ABCC2: variants seen among roughly 807,000 people sequenced by gnomAD.
The protein encoded by ABCC2 is ATP binding cassette subfamily C member 2, also known as ATP-binding cassette sub-family C member 2.
A neutral mutation model predicts 173.4 loss-of-function variants in ABCC2; 157 were observed. That is an observed-to-expected ratio of 0.91 (90% CI 0.80 to 1.03). ABCC2 has a LOEUF of 1.03. Ranked by LOEUF, ABCC2 falls within the 50% of genes least tolerant of loss-of-function variation. ABCC2 has a pLI of 0.00. For synonymous variants in ABCC2, 657 were observed against 693.5 expected (o/e 0.95, Z 0.83); for missense variants, 1,822 against 1,852.3 (o/e 0.98, Z 0.30).
intron 22 of ABCC2, 55 bp from the exon 23 acceptor site, chr10:99,831,922 A>G (rs1489901330): frequency 6.2e-7 from 1 of 1,614,002 alleles, no homozygotes. Context: ...TGTCCTGGGC[A>G]CAAGTCTTCA....
At chr10:99,799,125 C>T (rs2037968436) in intron 7 of ABCC2, 82 bp from the exon 8 acceptor site, 3 of 1,530,814 alleles carry the variant, frequency 2.0e-6, no homozygotes, top group African/African-American at 2.7e-5. Flanking sequence ...GGCCACGGGG[C>T]TCACAGGCTG....
chr10:99,797,545 T>C, intron 7 of ABCC2: 5 of 562,304 alleles, frequency 8.9e-6, no homozygotes, highest in South Asian at 4.4e-5. Flanking sequence ...ACTTTTGAAA[T>C]TTTCCAGAAT....
chr10:99,805,582 C>T (rs537619892), intron 11 of ABCC2, 135 bp downstream of exon 11: 2 of 862,444 alleles, frequency 2.3e-6, no homozygotes, highest in Admixed American at 1.7e-5. Flanking sequence ...TGTTTCATGT[C>T]CTCCTGTCCC....
intron 25 of ABCC2, among the ~76,000 whole-genome samples, chr10:99,838,117 C>T (rs2038857259): frequency 1.2e-5 from 1 of 86,332 alleles, no homozygotes; most frequent in African/African-American, 4.3e-5. Flanking sequence ...CCCCCCCCAC[C>T]TCCCTCCCGG....
chr10:99,814,570 C>CACATGTGTATAT lies in ABCC2; in HGVS notation c.2094+1429_2094+1430insTGTGTATATACA, dbSNP rs2038339473. 3.5e-5 allele frequency among the ~76,000 whole-genome samples: 4 copies of CACATGTGTATAT among 113,124 alleles called. 1 individual carries two copies. The highest frequency in any genetic ancestry group is 6.1e-5 in the African/African-American group (2 of 32,932). The allele number at this position is 113,124 out of a possible 152,430, so 74.2% of individuals were successfully genotyped here. A position where few individuals can be genotyped will look rare whatever the true frequency, so the allele number is the denominator to read the frequency against. On this transcript the variant is annotated intron_variant, in intron 16 of 31. Coordinates refer to ENST00000647814, the MANE Select transcript of ABCC2 (RefSeq NM_000392.5). ...ACATATGTGTATATACACATATACA[C>CACATGTGTATAT]ACACATATGTGTATATACACATATA... is the stretch of plus-strand genomic sequence containing the variant.
Position 99,844,024 on chromosome 10 carries a change from C to G in ABCC2, c.3843+124C>G, listed in dbSNP as rs3740067. The stretch of plus-strand genomic sequence containing the variant: ...ATAATGGGTCCCTAAAGTTTCCTTT[C>G]CTCTAACTCAAAGGACCTAATTTCT... On this transcript the variant is annotated intron_variant, in intron 27 of 31. Transcript: ENST00000647814. 0.34 allele frequency: 312,836 copies of G among 913,174 alleles called. 55,169 individuals carry two copies. Among genetic ancestry groups the G allele is most frequent in the Non-Finnish European group, 0.37 (205,087 of 555,016 alleles). The allele number at this position is 913,174 out of a possible 1,614,324, so 56.6% of individuals were successfully genotyped here.
chr10:99,839,090 A>AGAC (rs1564698796), intron 25 of ABCC2, among the ~76,000 whole-genome samples: 5 of 57,214 alleles, frequency 8.7e-5, no homozygotes, highest in East Asian at 1.3e-3. Flanking sequence ...AGGGGGGCAG[A>AGAC]CCCCCCCCCC....
chr10:99,783,994 C>T (rs78002351), intron 1 of ABCC2, among the ~76,000 whole-genome samples: 2 of 99,352 alleles, frequency 2.0e-5, no homozygotes, highest in Non-Finnish European at 3.6e-5. Context: ...GCCCACCCCC[C>T]ACCCCCCAAC....
intron 17 of ABCC2, among the ~76,000 whole-genome samples, chr10:99,818,551 G>A (rs2038463964): frequency 6.6e-6 from 1 of 152,196 alleles, no homozygotes; most frequent in African/African-American, 2.4e-5. Flanking sequence ...AGGGTGACAA[G>A]CAACAAAACT....
rs1220159784 is a variant in ABCC2, at chr10:99,817,307, G to A, written c.2095-1G>A. ...ACATGATCTGATCCTTTTTCATCTA[G>A]GGCACCACTGCCTATGTCCCACAGC... On this transcript the variant is annotated splice_acceptor_variant, in intron 16 of 31. Coordinates refer to ENST00000647814, the MANE Select transcript of ABCC2 (RefSeq NM_000392.5). LOFTEE classifies it high-confidence loss of function. 2 of 1,614,014 alleles carry A rather than the reference G, an allele frequency of 1.2e-6. No homozygotes were observed. Among genetic ancestry groups the A allele is most frequent in the Non-Finnish European group, 1.7e-6 (2 of 1,179,972 alleles).
Position 99,795,800 on chromosome 10 carries a change from A to AG in ABCC2, c.633-1297_633-1296insG, listed in dbSNP as rs1491533872. 1.1e-3 allele frequency among the ~76,000 whole-genome samples: 87 copies of AG among 78,316 alleles called. 4 individuals carry two copies. The highest frequency in any genetic ancestry group is 4.2e-3 in the Admixed American group (33 of 7,950). The allele number at this position is 78,316 out of a possible 152,430, so 51.4% of individuals were successfully genotyped here. A position where few individuals can be genotyped will look rare whatever the true frequency, so the allele number is the denominator to read the frequency against. On this transcript the variant is annotated intron_variant, in intron 6 of 31. Transcript: ENST00000647814. Reference sequence around the variant, plus strand: ...GAAAGAAAGAAAGAAAGAAAGAAAGAAAGATTTCTAAATGCTAGATTTCAG... The same window carrying AG: ...GAAAGAAAGAAAGAAAGAAAGAAAGAGAAGATTTCTAAATGCTAGATTTCAG...
In ABCC2 at chr10:99,814,444, TATGTGTGTATATACATACAC is replaced by T. The variant is rs1564684985; in HGVS notation, c.2094+1302_2094+1321del. On this transcript the variant is annotated intron_variant, in intron 16 of 31. Transcript: ENST00000647814. Reference sequence around the variant, plus strand: ...GTGTGCATATATGTGTATACACACATATGTGTGTATATACATACACACATATGTGTGTATATACATACACA... The same window carrying T: ...GTGTGCATATATGTGTATACACACATACATATGTGTGTATATACATACACA... 5.2e-5 allele frequency among the ~76,000 whole-genome samples: 5 copies of T among 96,308 alleles called. 2 individuals are homozygous for T. The highest frequency in any genetic ancestry group is 2.0e-4 in the African/African-American group (4 of 20,070). 63.2% of individuals were successfully genotyped at this position (96,308 alleles called of 152,430 possible). A position where few individuals can be genotyped will look rare whatever the true frequency, so the allele number is the denominator to read the frequency against.
At chr10:99,829,496 T>A (rs2038702693) in intron 19 of ABCC2, among the ~76,000 whole-genome samples, 2 of 152,200 alleles carry the variant, frequency 1.3e-5, no homozygotes, top group South Asian at 4.1e-4. Context: ...GGAGTAGATA[T>A]CTGGAGGTTC....
intron 9 of ABCC2, among the ~76,000 whole-genome samples, chr10:99,802,692 T>C (rs2038032721): frequency 6.6e-6 from 1 of 152,202 alleles, no homozygotes; most frequent in Non-Finnish European, 1.5e-5. Context: ...ATGGAAGTAG[T>C]ATGGGCCACT....
At chr10:99,848,973 C>T (rs111866537) in intron 30 of ABCC2, among the ~76,000 whole-genome samples, 8,350 of 152,272 alleles carry the variant, frequency 0.055, 254 homozygotes, top group Middle Eastern at 0.18. Flanking sequence ...GCCTGTAATC[C>T]CAGCACTTTG....
At position 99,804,219 on chromosome 10, in the gene ABCC2, G is replaced by A. The variant is rs1403676854; in HGVS notation, c.1410G>A (p.Met470Ile). Reference protein sequence around the residue: ...GPSVLAGVGVMVLVIPINAIL... With the variant: ...GPSVLAGVGVIVLVIPINAIL... ...CAGTCTTAGCAGGTGTTGGGGTGAT[G>A]GTGCTTGTAATCCCAATTAATGCGA... The change falls in exon 10 of 32, where the codon ATG (methionine) becomes ATA (isoleucine). Residue 470 changes from methionine to isoleucine, a missense_variant. Met to Ile is a conservative substitution (Grantham distance 10). Transcript: ENST00000647814. 3 of 1,613,990 alleles carry A rather than the reference G, an allele frequency of 1.9e-6. No individual in the cohort carries two copies. Among genetic ancestry groups the A allele is most frequent in the South Asian group, 1.1e-5 (1 of 91,078 alleles).
chr10:99,826,953 G>A (rs1440394427), intron 19 of ABCC2, among the ~76,000 whole-genome samples: 6 of 151,870 alleles, frequency 4.0e-5, no homozygotes, highest in African/African-American at 7.3e-5. Flanking sequence ...AGGTGGCATC[G>A]GTTCTAACGT....
chr10:99,784,189 A>G (rs1590133460), intron 1 of ABCC2, among the ~76,000 whole-genome samples: 1 of 152,076 alleles, frequency 6.6e-6, no homozygotes, highest in East Asian at 1.9e-4. Flanking sequence ...TTCTCCCTGC[A>G]TGGCGCCTGC....
rs1448440047 is a variant in ABCC2 at position 99,817,393 on chromosome 10, A to C, written c.2180A>C (p.Glu727Ala). The change falls in exon 17 of 32, where the codon GAA (glutamate) becomes GCA (alanine). Residue 727 changes from glutamate to alanine, a missense_variant. By Grantham distance (107) the Glu-to-Ala change is moderately radical. Coordinates refer to ENST00000647814, the MANE Select transcript of ABCC2 (RefSeq NM_000392.5). ...ATCCTTTTTGGAACAGAGTTTAATG[A>C]AAAGAGGTACCAGCAAGTACTGGAG... Reference protein sequence around the residue: ...DNILFGTEFNEKRYQQVLEAC... With the variant: ...DNILFGTEFNAKRYQQVLEAC... The C allele has an allele frequency of 6.2e-7, 1 of 1,614,150 alleles. No homozygotes were observed. The highest frequency in any genetic ancestry group is 8.5e-7 in the Non-Finnish European group (1 of 1,180,016).
Sources: allele counts gnomAD v4.1 joint callset (sites outside exome capture counted in the v4.1 genomes callset), GRCh38; gene constraint gnomAD v4.1.1; transcripts MANE v1.5; gene names NCBI Gene and HGNC (gene_info 2026-07-23, HGNC 2026-07-21).